The following SEMA6C variants were observed in gnomAD, a reference collection of about 807,000 sequenced individuals.
The protein encoded by SEMA6C is semaphorin 6C, also known as semaphorin-6C.
In SEMA6C, 37 loss-of-function variants were observed where a neutral mutation model predicts 72.9. The observed-to-expected ratio is 0.51, with a 90% CI of 0.39 to 0.67. The LOEUF (loss-of-function observed/expected upper bound fraction) is 0.67. SEMA6C is among the 30% of genes least tolerant of loss of function. The pLI is 0.00. For missense variants in SEMA6C, 1,189 were observed against 1,263.6 expected, an observed-to-expected ratio of 0.94 and a Z score of 0.89; for synonymous variants, 578 against 554.1, an observed-to-expected ratio of 1.04 and a Z score of -0.61.
At chr1:151,139,790 C>T in intron 4 of SEMA6C, 89 bp from the exon 5 acceptor site, 2 of 1,365,364 alleles carry the variant, frequency 1.5e-6, no homozygotes, top group Admixed American at 2.1e-5. Flanking sequence ...CAGTGCAGAC[C>T]TTCTGGCCCT....
intron 17 of SEMA6C, 60 bp from the exon 18 acceptor site, chr1:151,134,505 G>T: frequency 6.2e-7 from 1 of 1,603,964 alleles, no homozygotes; most frequent in Non-Finnish European, 8.5e-7. Flanking sequence ...AGAACTGATG[G>T]GGTGACTGTG....
At chr1:151,138,221 A>C in intron 8 of SEMA6C, 95 bp downstream of exon 8, 1 of 1,581,784 alleles carries the variant, frequency 6.3e-7, no homozygotes, top group Non-Finnish European at 8.6e-7. Context: ...TCAACCCTCC[A>C]CTCAGGGGAA....
chr1:151,132,245 C>A lies in SEMA6C; in HGVS notation c.*239G>T, dbSNP rs1030491878. On this transcript the variant is annotated 3_prime_UTR_variant, in exon 19 of 19. Coordinates refer to ENST00000368914, the MANE Select transcript of SEMA6C (RefSeq NM_030913.6). Reference sequence around the variant, plus strand: ...AGCGGGGAGTGGGAGTCCGCCAGCTCCCCCTGAAATGCTGGCTCACTGAGG... The same window carrying A: ...AGCGGGGAGTGGGAGTCCGCCAGCTACCCCTGAAATGCTGGCTCACTGAGG... 3 of 1,520,644 alleles carry A rather than the reference C, an allele frequency of 2.0e-6. No homozygotes were observed. The highest frequency in any genetic ancestry group is 1.2e-5 in the South Asian group (1 of 83,070). The allele number at this position is 1,520,644 out of a possible 1,614,324, so 94.2% of individuals were successfully genotyped here.
intron 3 of SEMA6C, among the ~76,000 whole-genome samples, chr1:151,140,867 G>A (rs912768535): frequency 6.6e-5 from 10 of 151,960 alleles, no homozygotes; most frequent in East Asian, 1.9e-4. Context: ...GCGTGGTGGC[G>A]GGCGCCTGTA....
intron 4 of SEMA6C, 117 bp from the exon 5 acceptor site, chr1:151,139,818 C>G: frequency 8.0e-7 from 1 of 1,248,646 alleles, no homozygotes; most frequent in Non-Finnish European, 1.1e-6. Flanking sequence ...CCCCTTCCTC[C>G]ATGCCTTGGC....
In SEMA6C at chr1:151,135,412, C is replaced by G; in HGVS notation, c.1434-103G>C. On this transcript the variant is annotated intron_variant, in intron 14 of 18. Transcript: ENST00000368914. The stretch of plus-strand genomic sequence containing the variant: ...GGGGAGGCACACAAGCAACTGAGCA[C>G]AACCCATGGAGCTGCCCCGCCCTAC... 5 of 1,505,882 alleles carry G rather than the reference C, an allele frequency of 3.3e-6. No homozygotes were observed. The South Asian group carries it at 6.4e-5, about 19-fold the overall frequency. The allele number at this position is 1,505,882 out of a possible 1,614,324, so 93.3% of individuals were successfully genotyped here.
In SEMA6C at chr1:151,139,430, G is replaced by A. The variant is rs1490509264; in HGVS notation, c.349C>T (p.Leu117=). 1.9e-6 allele frequency: 3 copies of A among 1,613,568 alleles called. No individual in the cohort carries two copies. Among genetic ancestry groups the A allele is most frequent in the Non-Finnish European group, 2.5e-6 (3 of 1,179,610 alleles). ...DVENCAVRGK[L]TDECYNYIRV... ...ATTCTCGTCTCACTCCTTACCGTCA[G>A]CTTTCCCCGTACAGCACAGTTCTCC... The change falls in exon 6 of 19, where the codon CTG becomes TTG. Residue 117 remains leucine (L), a synonymous_variant. Coordinates refer to ENST00000368914, the MANE Select transcript of SEMA6C (RefSeq NM_030913.6).
chr1:151,135,581 A>T lies in SEMA6C; in HGVS notation c.1433+10T>A. On this transcript the variant is annotated intron_variant, in intron 14 of 18. Transcript: ENST00000368914. The stretch of plus-strand genomic sequence containing the variant: ...TGCTTTGCAGGGGGCCTGCCCTCCA[A>T]AGGCCTCACCGGGCAGGGCTGTAGG... 6.2e-7 allele frequency: 1 copy of T among 1,608,064 alleles called. No individual in the cohort carries two copies. Among genetic ancestry groups the T allele is most frequent in the Non-Finnish European group, 8.5e-7 (1 of 1,177,416 alleles).
chr1:151,140,163 C>A (rs1322536727), intron 3 of SEMA6C, 73 bp from the exon 4 acceptor site: 1 of 1,234,430 alleles, frequency 8.1e-7, no homozygotes, highest in Non-Finnish European at 1.2e-6. Flanking sequence ...CCAGATGAAA[C>A]CCAGCAGTGG....
At chr1:151,140,953 A>C (rs587629801) in intron 3 of SEMA6C, among the ~76,000 whole-genome samples, 26 of 151,618 alleles carry the variant, frequency 1.7e-4, no homozygotes, top group Admixed American at 5.9e-4. Flanking sequence ...AGCCGAGATC[A>C]CGCCACTGCA....
intron 10 of SEMA6C, 48 bp downstream of exon 10, chr1:151,137,663 G>T: frequency 6.7e-7 from 1 of 1,496,882 alleles, no homozygotes; most frequent in Non-Finnish European, 9.2e-7. Flanking sequence ...GGCTCCTCAG[G>T]ATCCAGCAGA....
chr1:151,136,746 G>A lies in SEMA6C; in HGVS notation c.974+111C>T, dbSNP rs1453075959. ...GAAAAAATGGCAACACAGCAAACTG[G>A]CTTTGTTCGGAGGTTCCCTTAACTG... is the stretch of plus-strand genomic sequence containing the variant. On this transcript the variant is annotated intron_variant, in intron 11 of 18. Coordinates refer to ENST00000368914, the MANE Select transcript of SEMA6C (RefSeq NM_030913.6). 3.0e-6 allele frequency: 4 copies of A among 1,351,884 alleles called. No homozygotes were observed. In the African/African-American group the frequency reaches 4.4e-5, roughly 15 times the overall value. The allele number at this position is 1,351,884 out of a possible 1,614,324, so 83.7% of individuals were successfully genotyped here. A position where few individuals can be genotyped will look rare whatever the true frequency, so the allele number is the denominator to read the frequency against.
At chr1:151,136,245 C>T in intron 12 of SEMA6C, 82 bp from the exon 13 acceptor site, 1 of 1,568,300 alleles carries the variant, frequency 6.4e-7, no homozygotes, top group South Asian at 1.2e-5. Context: ...TGCTCCCAAA[C>T]CTGACTGGAA....
intron 2 of SEMA6C, among the ~76,000 whole-genome samples, chr1:151,143,869 C>G (rs1252689069): frequency 2.0e-5 from 3 of 152,098 alleles, no homozygotes; most frequent in African/African-American, 7.2e-5. Context: ...CTTAGTTGCC[C>G]ATCCCACCGT....
At position 151,135,256 on chromosome 1, in the gene SEMA6C, A is replaced by G; in HGVS notation, c.1487T>C (p.Leu496Pro). 1 of 1,614,248 alleles carries G rather than the reference A, an allele frequency of 6.2e-7. No individual in the cohort carries two copies. Among genetic ancestry groups the G allele is most frequent in the Non-Finnish European group, 8.5e-7 (1 of 1,180,038 alleles). Reference protein sequence around the residue: ...QTARRIIGLELDTEGHRLFVA... With the variant: ...QTARRIIGLEPDTEGHRLFVA... ...AAAAAGCCTGTGACCCTCAGTGTCC[A>G]GCTCCAGCCCTATGATCCGTCGTGC... Residue 496 changes from leucine (L) to proline (P), a missense_variant, in exon 15 of 19, where the codon CTG becomes CCG. Around this residue, in one of 2 missense-constraint regions of SEMA6C, gnomAD observed 721 missense variants for 686.2 expected, o/e 1.05. Coordinates refer to ENST00000368914, the MANE Select transcript of SEMA6C (RefSeq NM_030913.6).
chr1:151,132,188 A>G lies in SEMA6C; in HGVS notation c.*296T>C, dbSNP rs1324883232. The G allele has an allele frequency of 1.4e-6, 2 of 1,451,318 alleles. No individual in the cohort carries two copies. The highest frequency in any genetic ancestry group is 2.4e-5 in the South Asian group (2 of 82,204). 89.9% of individuals were successfully genotyped at this position (1,451,318 alleles called of 1,614,324 possible). A position where few individuals can be genotyped will look rare whatever the true frequency, so the allele number is the denominator to read the frequency against. ...GGGCACAGTCTCTGGGGGAGCCCCG[A>G]GGGGCGAGTTAAGGCAGCTTGGCTG... On this transcript the variant is annotated 3_prime_UTR_variant, in exon 19 of 19. Coordinates refer to ENST00000368914, the MANE Select transcript of SEMA6C (RefSeq NM_030913.6).
At chr1:151,135,397 A>G (rs1558180975) in intron 14 of SEMA6C, 88 bp from the exon 15 acceptor site, 4 of 1,535,390 alleles carry the variant, frequency 2.6e-6, no homozygotes, top group Non-Finnish European at 3.5e-6. Context: ...GGGGAGGCAC[A>G]CAAGCAACTG....
At chr1:151,134,517 C>T in intron 17 of SEMA6C, 72 bp from the exon 18 acceptor site, 1 of 1,605,128 alleles carries the variant, frequency 6.2e-7, no homozygotes, top group Non-Finnish European at 8.5e-7. Flanking sequence ...GTGACTGTGC[C>T]ACAGAAGGAG....
Position 151,132,792 on chromosome 1 carries a change from C to T in SEMA6C, c.2485G>A (p.Ala829Thr). 1 of 1,343,566 alleles carries T rather than the reference C, an allele frequency of 7.4e-7. No homozygotes were observed. Among genetic ancestry groups the T allele is most frequent in the Non-Finnish European group, 9.6e-7 (1 of 1,041,696 alleles). The allele number at this position is 1,343,566 out of a possible 1,614,324, so 83.2% of individuals were successfully genotyped here. Reference sequence around the variant, plus strand: ...AGCGCGGGCCGGGCGGGGGCAGAGGCGCACCTGCCCTCGGGGGGCACGTCC... The same window carrying T: ...AGCGCGGGCCGGGCGGGGGCAGAGGTGCACCTGCCCTCGGGGGGCACGTCC... ...RLDVPPEGRC[A>T]SAPARPALSA... Residue 829 changes from alanine (A) to threonine (T), a missense_variant, in exon 19 of 19, where the codon GCC (alanine) becomes ACC (threonine). Physicochemically the swap from Ala to Thr is moderately conservative, Grantham distance 58. Transcript: ENST00000368914.
Sources: allele counts gnomAD v4.1 joint callset (sites outside exome capture counted in the v4.1 genomes callset), GRCh38; gene constraint gnomAD v4.1.1; regional missense constraint gnomAD v4.1.1; transcripts MANE v1.5; gene names NCBI Gene and HGNC (gene_info 2026-07-23, HGNC 2026-07-21).